The following ADTRP variants were observed in gnomAD, a reference collection of about 807,000 sequenced individuals.
ADTRP encodes androgen dependent TFPI regulating protein.
ADTRP carries 20 observed loss-of-function variants against 27.0 expected under a neutral mutation model. The ratio of observed to expected loss-of-function variants is 0.74; its 90% CI spans 0.52 to 1.08. The LOEUF is 1.08. Among genes scored for constraint, ADTRP ranks in the 50% least tolerant of loss-of-function variants. The pLI is 0.00. For synonymous variants in ADTRP, 101 were observed against 105.2 expected, an observed-to-expected ratio of 0.96 and a Z score of 0.25; for missense variants, 251 against 275.0, an observed-to-expected ratio of 0.91 and a Z score of 0.62.
intron 3 of ADTRP, among the ~76,000 whole-genome samples, chr6:11,741,268 G>A (rs959463340): frequency 6.6e-5 from 10 of 152,202 alleles, no homozygotes; most frequent in African/African-American, 2.4e-4. Context: ...ATAAATGGAT[G>A]CACAGGTGGA....
At chr6:11,722,782 C>T (rs958973033) in intron 5 of ADTRP, among the ~76,000 whole-genome samples, 1 of 152,198 alleles carries the variant, frequency 6.6e-6, no homozygotes, top group African/African-American at 2.4e-5. Context: ...CTGACATATT[C>T]TCATTGCTGA....
chr6:11,751,677 A>G (rs544778595), intron 3 of ADTRP, among the ~76,000 whole-genome samples: 1 of 152,280 alleles, frequency 6.6e-6, no homozygotes, highest in South Asian at 2.1e-4. Context: ...TTAGTATCCA[A>G]ACCTCCGTTC....
At chr6:11,744,972 G>C (rs1416546913) in intron 3 of ADTRP, among the ~76,000 whole-genome samples, 1 of 152,124 alleles carries the variant, frequency 6.6e-6, no homozygotes, top group African/African-American at 2.4e-5. Context: ...ACAAACTCAG[G>C]GGCACAGTTC....
At chr6:11,755,733 A>G (rs2113298399) in intron 3 of ADTRP, among the ~76,000 whole-genome samples, 1 of 152,340 alleles carries the variant, frequency 6.6e-6, no homozygotes, top group East Asian at 1.9e-4. Context: ...AATTTTTTAA[A>G]AAAGGGTGGC....
At chr6:11,723,066 G>A (rs774047779) in intron 5 of ADTRP, among the ~76,000 whole-genome samples, 2 of 152,138 alleles carry the variant, frequency 1.3e-5, no homozygotes, top group African/African-American at 2.4e-5. Flanking sequence ...TCTAGGTCCT[G>A]GGCTTTCTAA....
chr6:11,752,768 G>C (rs1662252895), intron 3 of ADTRP, among the ~76,000 whole-genome samples: 3 of 152,168 alleles, frequency 2.0e-5, no homozygotes, highest in Admixed American at 6.5e-5. Context: ...CACCTCATGA[G>C]AATGCCTCTC....
intron 3 of ADTRP, among the ~76,000 whole-genome samples, chr6:11,758,422 C>T (rs1763280788): frequency 6.6e-6 from 1 of 152,090 alleles, no homozygotes; most frequent in South Asian, 2.1e-4. Flanking sequence ...TCTCCATGGT[C>T]TCTAAAGAAA....
intron 1 of ADTRP, among the ~76,000 whole-genome samples, chr6:11,770,889 G>A (rs374505522): frequency 7.2e-5 from 11 of 152,320 alleles, no homozygotes; most frequent in South Asian, 2.1e-4. Context: ...ACAGGCTTGG[G>A]CCCAGGGGAA....
At chr6:11,747,213 C>T (rs1762893172) in intron 3 of ADTRP, among the ~76,000 whole-genome samples, 1 of 152,214 alleles carries the variant, frequency 6.6e-6, no homozygotes, top group Non-Finnish European at 1.5e-5. Context: ...TTCCTTCTCA[C>T]CACAGAATAA....
intron 3 of ADTRP, among the ~76,000 whole-genome samples, chr6:11,761,413 A>G (rs1763386650): frequency 6.6e-6 from 1 of 152,226 alleles, no homozygotes; most frequent in African/African-American, 2.4e-5. Context: ...GGCCTTGTAC[A>G]TAGCAGGCAT....
At chr6:11,759,805 G>T (rs1763341009) in intron 3 of ADTRP, among the ~76,000 whole-genome samples, 3 of 152,168 alleles carry the variant, frequency 2.0e-5, no homozygotes, top group South Asian at 2.1e-4. Flanking sequence ...ATCTGGATGG[G>T]TCCATTGTAA....
chr6:11,720,919 A>G (rs960313749), intron 5 of ADTRP, among the ~76,000 whole-genome samples: 1 of 152,204 alleles, frequency 6.6e-6, no homozygotes, highest in Non-Finnish European at 1.5e-5. Flanking sequence ...CTAGGAAAAA[A>G]GGCCCTTGGA....
intron 3 of ADTRP, among the ~76,000 whole-genome samples, chr6:11,745,964 T>C (rs925658916): frequency 6.6e-6 from 1 of 152,116 alleles, no homozygotes; most frequent in Admixed American, 6.5e-5. Flanking sequence ...CTAATTCTTG[T>C]ATTTTTAGTA....
chr6:11,722,340 G>A (rs889397572), intron 5 of ADTRP, among the ~76,000 whole-genome samples: 3 of 152,080 alleles, frequency 2.0e-5, no homozygotes, highest in Admixed American at 1.3e-4. Flanking sequence ...TCTCAGAAAC[G>A]CACACTCTGG....
intron 3 of ADTRP, among the ~76,000 whole-genome samples, chr6:11,740,299 T>G (rs1343106317): frequency 6.6e-6 from 1 of 152,240 alleles, no homozygotes; most frequent in Non-Finnish European, 1.5e-5. Context: ...GGATAAATAT[T>G]TTTAAGTGAA....
chr6:11,766,455 C>T (rs2113333284), intron 2 of ADTRP, 80 bp from the exon 3 acceptor site: 1 of 1,060,744 alleles, frequency 9.4e-7, no homozygotes, highest in South Asian at 1.5e-5. Flanking sequence ...GGAAACACAG[C>T]TAAATAAAAA....
chr6:11,735,822 A>G, intron 3 of ADTRP, 139 bp from the exon 4 acceptor site: 1 of 640,204 alleles, frequency 1.6e-6, no homozygotes, highest in African/African-American at 1.8e-5. Flanking sequence ...CTAGATGCCC[A>G]AGGACCTACC....
At chr6:11,733,063 C>T (rs1421617641) in intron 4 of ADTRP, among the ~76,000 whole-genome samples, 3 of 152,176 alleles carry the variant, frequency 2.0e-5, no homozygotes, top group African/African-American at 7.2e-5. Flanking sequence ...TGTCATCTAC[C>T]CTACTGGAGA....
intron 5 of ADTRP, among the ~76,000 whole-genome samples, chr6:11,718,687 T>A (rs1183119062): frequency 5.9e-5 from 9 of 152,182 alleles, no homozygotes; most frequent in Admixed American, 5.9e-4. Flanking sequence ...AGAAATTGAA[T>A]CTTTCTTGGG....
Sources: gnomAD v4.1 joint callset for allele counts (sites outside exome capture counted in the v4.1 genomes callset) on GRCh38, gnomAD v4.1.1 for gene constraint, MANE v1.5 for transcripts, NCBI Gene and HGNC (gene_info 2026-07-23, HGNC 2026-07-21) for gene names.